COL26A1: variants seen among roughly 807,000 people sequenced by gnomAD.
COL26A1 encodes collagen alpha-1(XXVI) chain.
A neutral mutation model predicts 59.3 loss-of-function variants in COL26A1; 41 were observed. The ratio of observed to expected loss-of-function variants is 0.69; its 90% CI spans 0.54 to 0.90. The LOEUF (loss-of-function observed/expected upper bound fraction) is 0.90, where lower values mean the gene tolerates loss of function less well. Ranked by LOEUF, COL26A1 falls within the 40% of genes least tolerant of loss-of-function variation. The pLI, the probability that COL26A1 is intolerant of heterozygous loss-of-function variation, is 0.00. For synonymous variants in COL26A1, 266 were observed against 256.0 expected, an observed-to-expected ratio of 1.04 and a Z score of -0.37; for missense variants, 612 against 602.3, an observed-to-expected ratio of 1.02 and a Z score of -0.17.
intron 3 of COL26A1, among the ~76,000 whole-genome samples, chr7:101,500,661 C>A (rs564935553): frequency 6.1e-4 from 92 of 151,386 alleles, no homozygotes; most frequent in African/African-American, 2.0e-3. Context: ...CTAAAAAAAA[C>A]CCCACAAAAA....
chr7:101,399,279 A>G (rs953991326), intron 1 of COL26A1, among the ~76,000 whole-genome samples: 1 of 152,098 alleles, frequency 6.6e-6, no homozygotes, highest in Non-Finnish European at 1.5e-5. Context: ...GTACTCCAAC[A>G]TGGGCAACAG....
intron 1 of COL26A1, among the ~76,000 whole-genome samples, chr7:101,394,504 T>G (rs1163677151): frequency 3.3e-5 from 5 of 152,054 alleles, no homozygotes; most frequent in African/African-American, 1.2e-4. Flanking sequence ...ATTCTTGGCC[T>G]TAAGCAATCC....
chr7:101,390,035 T>G (rs1724361930), intron 1 of COL26A1, among the ~76,000 whole-genome samples: 1 of 152,110 alleles, frequency 6.6e-6, no homozygotes, highest in South Asian at 2.1e-4. Flanking sequence ...TTGATATCTC[T>G]TTTTTTCTCC....
intron 1 of COL26A1, among the ~76,000 whole-genome samples, chr7:101,375,421 C>T (rs1791291766): frequency 6.6e-6 from 1 of 152,080 alleles, no homozygotes; most frequent in Middle Eastern, 3.2e-3. Flanking sequence ...CATGGCTGGG[C>T]ACAGTGGCTC....
At chr7:101,532,989 TTGCC>T in intron 3 of COL26A1, 89 bp from the exon 4 acceptor site, 3 of 919,922 alleles carry the variant, frequency 3.3e-6, no homozygotes, top group Non-Finnish European at 5.1e-6. Context: ...ATTTCTCTGC[TTGCC>T]TGCCTGCCCA....
chr7:101,434,088 C>G (rs1184864862), intron 2 of COL26A1, among the ~76,000 whole-genome samples: 1 of 98,596 alleles, frequency 1.0e-5, no homozygotes, highest in Admixed American at 1.4e-4. Context: ...CTCCCTCCCT[C>G]CCTCTTTCTT....
chr7:101,480,527 G>A (rs1194514729), intron 3 of COL26A1, among the ~76,000 whole-genome samples: 4 of 151,992 alleles, frequency 2.6e-5, no homozygotes, highest in African/African-American at 9.7e-5. Flanking sequence ...TTGAGACAGG[G>A]TGTCACTCTA....
intron 3 of COL26A1, among the ~76,000 whole-genome samples, chr7:101,461,459 C>T (rs1037555186): frequency 2.6e-5 from 4 of 151,976 alleles, no homozygotes; most frequent in Non-Finnish European, 5.9e-5. Flanking sequence ...CCACTACACC[C>T]GGGTAATTTT....
chr7:101,412,263 C>T (rs1030985853), intron 1 of COL26A1, among the ~76,000 whole-genome samples: 4 of 152,104 alleles, frequency 2.6e-5, no homozygotes, highest in African/African-American at 9.7e-5. Context: ...CAGGAGTTAC[C>T]ACCCCTTTCC....
At chr7:101,505,457 T>C (rs950014304) in intron 3 of COL26A1, among the ~76,000 whole-genome samples, 5 of 151,922 alleles carry the variant, frequency 3.3e-5, no homozygotes, top group Non-Finnish European at 5.9e-5. Flanking sequence ...CTTTTTTTTT[T>C]GGATGGAAAG....
intron 1 of COL26A1, among the ~76,000 whole-genome samples, chr7:101,387,133 G>A (rs1791595603): frequency 6.6e-6 from 1 of 152,126 alleles, no homozygotes; most frequent in African/African-American, 2.4e-5. Context: ...TGCTGGCTGA[G>A]CCAAAGCCAC....
chr7:101,551,030 G>C (rs1795848487), intron 9 of COL26A1, 78 bp from the exon 10 acceptor site: 10 of 1,437,166 alleles, frequency 7.0e-6, no homozygotes, highest in Non-Finnish European at 9.6e-6. Flanking sequence ...ACAGTGGGCG[G>C]GGAGGGGGGT....
intron 4 of COL26A1, among the ~76,000 whole-genome samples, chr7:101,539,278 CTG>C (rs771877127): frequency 7.0e-5 from 10 of 142,150 alleles, no homozygotes; most frequent in Non-Finnish European, 1.2e-4. Flanking sequence ...CCTTTTCTGT[CTG>C]TGTGTGTGTG....
At chr7:101,439,552 T>TAAAAAAA (rs1345382091) in intron 2 of COL26A1, among the ~76,000 whole-genome samples, 1 of 6,462 alleles carries the variant, frequency 1.5e-4, no homozygotes, top group African/African-American at 5.7e-4. Context: ...AGACTCCGTC[T>TAAAAAAA]GAAAAAAAAA....
intron 2 of COL26A1, among the ~76,000 whole-genome samples, chr7:101,443,991 C>A (rs1793123853): frequency 6.6e-6 from 1 of 151,708 alleles, no homozygotes; most frequent in South Asian, 2.1e-4. Flanking sequence ...CCCACCTCAG[C>A]CTCCCAAGTA....
intron 3 of COL26A1, among the ~76,000 whole-genome samples, chr7:101,461,781 A>G (rs1383277568): frequency 2.6e-5 from 4 of 152,112 alleles, no homozygotes; most frequent in African/African-American, 9.7e-5. Context: ...AATGTTATCA[A>G]TCATCAGCTC....
At chr7:101,453,450 C>T (rs761717212) in intron 3 of COL26A1, among the ~76,000 whole-genome samples, 3 of 152,212 alleles carry the variant, frequency 2.0e-5, no homozygotes, top group Non-Finnish European at 4.4e-5. Context: ...TGTGACTGTA[C>T]TCACCAGAAA....
chr7:101,545,071 A>G (rs1437084249), intron 6 of COL26A1, among the ~76,000 whole-genome samples: 2 of 152,076 alleles, frequency 1.3e-5, no homozygotes, highest in African/African-American at 2.4e-5. Flanking sequence ...CTCTGGCCAG[A>G]GCCTTTGCTG....
intron 1 of COL26A1, among the ~76,000 whole-genome samples, chr7:101,368,031 CCTT>C (rs1791091846): frequency 6.6e-6 from 1 of 152,174 alleles, no homozygotes; most frequent in Admixed American, 6.5e-5. Context: ...AGAAACTTGG[CCTT>C]CTAGATTGTT....
Sources: allele counts gnomAD v4.1 joint callset (sites outside exome capture counted in the v4.1 genomes callset), GRCh38; gene constraint gnomAD v4.1.1; transcripts MANE v1.5; gene names NCBI Gene and HGNC (gene_info 2026-07-23, HGNC 2026-07-21).